The following MYH11 variants were observed in gnomAD, a reference collection of about 807,000 sequenced individuals.
MYH11 encodes myosin-11.
A neutral mutation model predicts 246.6 loss-of-function variants in MYH11; 80 were observed. The observed-to-expected ratio is 0.32, with a 90% confidence interval of 0.27 to 0.39. MYH11 has a LOEUF of 0.39. Ranked by LOEUF, MYH11 falls within the 10% of genes least tolerant of loss-of-function variation. The pLI, the probability that MYH11 is intolerant of heterozygous loss-of-function variation, is 1.00. For missense variants in MYH11, 2,158 were observed against 2,546.8 expected, an observed-to-expected ratio of 0.85 and a Z score of 3.29; for synonymous variants, 1,071 against 1,015.5, an observed-to-expected ratio of 1.05 and a Z score of -1.04.
At chr16:15,849,913 A>C (rs1047675735) in intron 1 of MYH11, among the ~76,000 whole-genome samples, 1 of 152,128 alleles carries the variant, frequency 6.6e-6, no homozygotes, top group Non-Finnish European at 1.5e-5. Context: ...AAATAAATCA[A>C]TGGTAGGCTG....
At chr16:15,736,286 A>G (rs997854105) in intron 25 of MYH11, among the ~76,000 whole-genome samples, 3 of 151,962 alleles carry the variant, frequency 2.0e-5, no homozygotes, top group Non-Finnish European at 2.9e-5. Flanking sequence ...TTTTGTTGTT[A>G]TTATTGTTTT....
At position 15,838,184 on chromosome 16, in the gene MYH11, G is replaced by T; in HGVS notation, c.69C>A (p.Ser23Arg). Residue 23 changes from serine (S) to arginine (R), a missense_variant, in exon 2 of 41, where the codon AGC becomes AGA. Physicochemically the swap from Ser to Arg is moderately radical, Grantham distance 110. Transcript: ENST00000300036. ...FLFVDKNFIN[S>R]PVAQADWAAK... ...CGGCCCAGTCAGCCTGGGCCACTGG[G>T]CTGTTGATGAAGTTTTTGTCCACAA... 1 of 1,614,126 alleles carries T rather than the reference G, an allele frequency of 6.2e-7. No homozygotes were observed. Among genetic ancestry groups the T allele is most frequent in the Admixed American group, 1.7e-5 (1 of 60,020 alleles).
chr16:15,812,964 C>A (rs1045503648), intron 3 of MYH11, among the ~76,000 whole-genome samples: 3 of 152,202 alleles, frequency 2.0e-5, no homozygotes, highest in Non-Finnish European at 4.4e-5. Flanking sequence ...GTCAGGAGTT[C>A]AAGACCAGTC....
rs373371913 is a variant in MYH11, at chr16:15,724,882, A to G, written c.3963+6T>C. 20 of 1,613,764 alleles carry G rather than the reference A, an allele frequency of 1.2e-5. No homozygotes were observed. The highest frequency in any genetic ancestry group is 1.0e-4 in the Admixed American group (6 of 59,980). ...GGTCCCCTGGATGATGTGGCAGGAC[A>G]CTCACCTGGGTGTCCTGGAGCTGGG... On this transcript the variant is annotated splice_donor_region_variant and intron_variant, in intron 29 of 40. Coordinates refer to ENST00000300036, the MANE Select transcript of MYH11 (RefSeq NM_002474.3).
chr16:15,806,791 C>T (rs1254773924), intron 3 of MYH11, among the ~76,000 whole-genome samples: 1 of 152,166 alleles, frequency 6.6e-6, no homozygotes, highest in Non-Finnish European at 1.5e-5. Flanking sequence ...CAATGCCTGA[C>T]ACACAGTAGG....
At chr16:15,792,923 G>A (rs2042648101) in intron 4 of MYH11, among the ~76,000 whole-genome samples, 1 of 151,994 alleles carries the variant, frequency 6.6e-6, no homozygotes, top group South Asian at 2.1e-4. Context: ...TTTGTAGAGA[G>A]GGGGTTTGGC....
intron 4 of MYH11, among the ~76,000 whole-genome samples, chr16:15,792,921 G>C (rs2042648029): frequency 1.3e-5 from 2 of 152,024 alleles, no homozygotes; most frequent in Non-Finnish European, 1.5e-5. Flanking sequence ...TTTTTGTAGA[G>C]AGGGGGTTTG....
At position 15,751,505 on chromosome 16, in the gene MYH11, G is replaced by A. The variant is rs78905316; in HGVS notation, c.1865-1174C>T. Among the ~76,000 whole-genome samples, 2,199 of 150,764 alleles carry A rather than the reference G, an allele frequency of 0.015. 74 individuals carry two copies. In the East Asian group the frequency reaches 0.16, roughly 11 times the overall value. ...CATCATCATCATCATCACCTCCAAG[G>A]TTCTTTTTCTACCAGCCCAGCAGGT... On this transcript the variant is annotated intron_variant, in intron 15 of 40. Transcript: ENST00000300036.
At chr16:15,760,066 C>G (rs112913624) in intron 11 of MYH11, among the ~76,000 whole-genome samples, 2,084 of 152,206 alleles carry the variant, frequency 0.014, 44 homozygotes, top group African/African-American at 0.047. Context: ...CACTGCACCC[C>G]CCCCTGGGCA....
intron 24 of MYH11, 148 bp from the exon 25 acceptor site, chr16:15,737,768 C>T (rs1286986312): frequency 2.2e-5 from 17 of 762,368 alleles, no homozygotes; most frequent in Non-Finnish European, 3.1e-5. Flanking sequence ...CATTATCTCC[C>T]GATGAACAGC....
intron 4 of MYH11, among the ~76,000 whole-genome samples, chr16:15,787,858 G>A (rs1048384796): frequency 8.6e-5 from 13 of 152,014 alleles, no homozygotes; most frequent in South Asian, 2.1e-4. Context: ...CCAAAAAACC[G>A]GTTATCCCAT....
chr16:15,751,362 C>T (rs2041565646), intron 15 of MYH11, among the ~76,000 whole-genome samples: 1 of 151,648 alleles, frequency 6.6e-6, no homozygotes, highest in South Asian at 2.1e-4. Flanking sequence ...AGAGTTTCTC[C>T]ATGTTGGTCA....
chr16:15,850,740 C>T (rs781434057), intron 1 of MYH11, among the ~76,000 whole-genome samples: 9 of 151,846 alleles, frequency 5.9e-5, no homozygotes, highest in Admixed American at 1.3e-4. Context: ...ACAGAAAATA[C>T]AAAAATTAGC....
intron 16 of MYH11, chr16:15,749,655 T>C (rs1004385403): frequency 1.0e-5 from 2 of 194,704 alleles, no homozygotes; most frequent in African/African-American, 4.7e-5. Flanking sequence ...GACCATCCTG[T>C]GCATTGTACA....
At chr16:15,739,499 A>C (rs2151247150) in intron 23 of MYH11, among the ~76,000 whole-genome samples, 1 of 152,304 alleles carries the variant, frequency 6.6e-6, no homozygotes. Context: ...AAACCCCACA[A>C]GGGAAGGGTC....
intron 3 of MYH11, among the ~76,000 whole-genome samples, chr16:15,816,611 C>T (rs2043269177): frequency 1.3e-5 from 2 of 151,932 alleles, no homozygotes; most frequent in South Asian, 4.2e-4. Context: ...TAAAATTATA[C>T]TGGGACTCTG....
chr16:15,725,965 C>T (rs2040732944), intron 28 of MYH11: 3 of 344,746 alleles, frequency 8.7e-6, no homozygotes, highest in African/African-American at 2.1e-5. Flanking sequence ...TCTCCCCCTA[C>T]CCCCAACCCC....
chr16:15,838,403 G>A (rs1226048875), intron 1 of MYH11, 134 bp from the exon 2 acceptor site: 7 of 731,514 alleles, frequency 9.6e-6, no homozygotes, highest in African/African-American at 3.5e-5. Flanking sequence ...GCAGTATTGT[G>A]TATGTGGTCA....
Position 15,721,754 on chromosome 16 carries a change from G to A in MYH11, c.4366-120C>T. On this transcript the variant is annotated intron_variant, in intron 31 of 40. Transcript: ENST00000300036. Reference sequence around the variant, plus strand: ...GTATTGAGGTGCAGGTGTAAGCAGTGTAGGTTAGCTATGGGAGTAATTTAT... The same window carrying A: ...GTATTGAGGTGCAGGTGTAAGCAGTATAGGTTAGCTATGGGAGTAATTTAT... 3.9e-6 allele frequency: 4 copies of A among 1,024,984 alleles called. 1 individual carries two copies. The African/African-American group carries it at 4.7e-5, about 12-fold the overall frequency. The allele number at this position is 1,024,984 out of a possible 1,614,324, so 63.5% of individuals were successfully genotyped here.
Sources: allele counts gnomAD v4.1 joint callset (sites outside exome capture counted in the v4.1 genomes callset), GRCh38; gene constraint gnomAD v4.1.1; transcripts MANE v1.5; gene names NCBI Gene and HGNC (gene_info 2026-07-23, HGNC 2026-07-21).